The following SPON1 variants were observed in gnomAD, a reference collection of about 807,000 sequenced individuals.
The protein encoded by SPON1 is spondin 1.
A neutral mutation model predicts 111.7 loss-of-function variants in SPON1; 52 were observed. The ratio of observed to expected loss-of-function variants is 0.47; its 90% CI spans 0.37 to 0.59. The LOEUF (loss-of-function observed/expected upper bound fraction) is 0.59, where lower values mean the gene tolerates loss of function less well. Ranked by LOEUF, SPON1 falls within the 20% of genes least tolerant of loss-of-function variation. The pLI is 0.00. For missense variants in SPON1, 957 were observed against 1,068.5 expected, an observed-to-expected ratio of 0.90 and a Z score of 1.46; for synonymous variants, 410 against 395.8, an observed-to-expected ratio of 1.04 and a Z score of -0.43.
intron 2 of SPON1, among the ~76,000 whole-genome samples, chr11:13,990,995 GC>G (rs1429200559): frequency 2.6e-5 from 4 of 152,132 alleles, no homozygotes; most frequent in Admixed American, 2.6e-4. Context: ...CTCTCTGGCT[GC>G]CCTTAACATT....
intron 7 of SPON1, among the ~76,000 whole-genome samples, chr11:14,252,003 GACAGCA>G (rs1554940702): frequency 1.3e-5 from 2 of 152,220 alleles, no homozygotes; most frequent in African/African-American, 4.8e-5. Flanking sequence ...ATTTGATCCT[GACAGCA>G]ACACTGCAGG....
intron 5 of SPON1, among the ~76,000 whole-genome samples, chr11:14,109,482 T>C (rs1849211075): frequency 6.6e-6 from 1 of 152,242 alleles, no homozygotes; most frequent in Non-Finnish European, 1.5e-5. Flanking sequence ...TCACCAGCTT[T>C]GAAACTACGG....
Position 14,259,036 on chromosome 11 carries a change from A to G in SPON1, c.1493-244A>G, listed in dbSNP as rs1591430026. ...ATTTTTTAAACACCATCCTTTCCAT[A>G]CAAGCATCTTTCGAATGTATTTTCA... On this transcript the variant is annotated intron_variant, in intron 11 of 15. Transcript: ENST00000576479. This position sits in a 1 kb window ranked among gnomAD's most constrained non-coding sequence, Gnocchi z 5.0. Among the ~76,000 whole-genome samples, 1 of 152,352 alleles carries G rather than the reference A, an allele frequency of 6.6e-6. No homozygotes were observed. The highest frequency in any genetic ancestry group is 3.4e-3 in the Middle Eastern group (1 of 294).
At chr11:14,090,831 C>G (rs1301806342) in intron 5 of SPON1, among the ~76,000 whole-genome samples, 4 of 12,920 alleles carry the variant, frequency 3.1e-4, no homozygotes, top group East Asian at 4.6e-3. Context: ...CTGGCCCCCC[C>G]CCCCCCCCCC....
chr11:14,008,542 G>A (rs146735031), intron 2 of SPON1, among the ~76,000 whole-genome samples: 2 of 152,138 alleles, frequency 1.3e-5, no homozygotes, highest in South Asian at 2.1e-4. Context: ...TCTCTATGGG[G>A]GGAAAAGAAA....
intron 6 of SPON1, among the ~76,000 whole-genome samples, chr11:14,159,222 G>A (rs1410110179): frequency 2.0e-5 from 3 of 152,130 alleles, no homozygotes; most frequent in East Asian, 3.9e-4. Flanking sequence ...GTTATTAGAT[G>A]TGAAACAGTC....
chr11:13,995,892 A>C (rs868954907), intron 2 of SPON1, among the ~76,000 whole-genome samples: 4 of 152,322 alleles, frequency 2.6e-5, no homozygotes, highest in Middle Eastern at 6.8e-3. Context: ...CTAGATGCTA[A>C]AATTGCTGCA....
intron 6 of SPON1, among the ~76,000 whole-genome samples, chr11:14,203,942 A>AAG (rs1554935921): frequency 1.2e-4 from 19 of 152,240 alleles, no homozygotes; most frequent in African/African-American, 4.3e-4. Context: ...TCCAACAGGG[A>AAG]GAGCAGGGAA....
intron 5 of SPON1, among the ~76,000 whole-genome samples, chr11:14,125,017 T>C (rs1847438473): frequency 1.3e-5 from 2 of 152,328 alleles, no homozygotes; most frequent in South Asian, 2.1e-4. Flanking sequence ...GACTTCCCCA[T>C]GCATGGCTTT....
intron 14 of SPON1, among the ~76,000 whole-genome samples, chr11:14,261,173 A>G (rs1315867239): frequency 2.0e-5 from 3 of 152,138 alleles, no homozygotes; most frequent in Non-Finnish European, 4.4e-5. Context: ...ACTCCTGCAG[A>G]CTGGTAAGAA....
At chr11:14,167,182 G>A (rs1339598492) in intron 6 of SPON1, among the ~76,000 whole-genome samples, 1 of 152,058 alleles carries the variant, frequency 6.6e-6, no homozygotes, top group African/African-American at 2.4e-5. Flanking sequence ...GATGCTTCCT[G>A]TATAATTTTT....
intron 2 of SPON1, among the ~76,000 whole-genome samples, chr11:14,037,517 T>C (rs1848603155): frequency 1.2e-5 from 1 of 84,170 alleles, no homozygotes; most frequent in African/African-American, 4.9e-5. Context: ...AACAACTGCA[T>C]ATCCACATGT....
chr11:14,235,869 C>A (rs1848859835), intron 6 of SPON1, among the ~76,000 whole-genome samples: 1 of 152,076 alleles, frequency 6.6e-6, no homozygotes, highest in African/African-American at 2.4e-5. Context: ...CTGGAGGAAA[C>A]AAAGGAGAGA....
intron 2 of SPON1, among the ~76,000 whole-genome samples, chr11:13,990,391 T>G (rs1425698644): frequency 1.2e-4 from 14 of 112,082 alleles, no homozygotes; most frequent in African/African-American, 4.4e-4. Context: ...TTTTTTTTTT[T>G]TTTTTTTTTT....
intron 7 of SPON1, among the ~76,000 whole-genome samples, chr11:14,245,067 G>C (rs970551819): frequency 9.9e-5 from 15 of 152,280 alleles, no homozygotes; most frequent in African/African-American, 3.4e-4. Flanking sequence ...ATTAACACCC[G>C]TATTGAAGAC....
chr11:14,076,513 G>A (rs1395887848), intron 4 of SPON1, among the ~76,000 whole-genome samples: 3 of 152,108 alleles, frequency 2.0e-5, no homozygotes, highest in African/African-American at 7.2e-5. Flanking sequence ...ATATGGTAAA[G>A]ATTATTATTA....
At chr11:14,163,471 G>A (rs1040020529) in intron 6 of SPON1, among the ~76,000 whole-genome samples, 3 of 152,042 alleles carry the variant, frequency 2.0e-5, no homozygotes, top group Admixed American at 1.3e-4. Context: ...TATTTCTCCA[G>A]TCAGCCTCCC....
At chr11:14,079,070 T>G (rs1459239418) in intron 4 of SPON1, among the ~76,000 whole-genome samples, 1 of 152,214 alleles carries the variant, frequency 6.6e-6, no homozygotes, top group African/African-American at 2.4e-5. Context: ...CTGAAGCAAG[T>G]TACATCTGTA....
At chr11:14,260,365 C>CGG (rs200961190) in intron 13 of SPON1, among the ~76,000 whole-genome samples, 4 of 151,416 alleles carry the variant, frequency 2.6e-5, no homozygotes, top group East Asian at 1.9e-4. Flanking sequence ...TCATAACCAT[C>CGG]GGGGGGGGTC....
Sources: allele counts gnomAD v4.1 joint callset (sites outside exome capture counted in the v4.1 genomes callset), GRCh38; gene constraint gnomAD v4.1.1; non-coding constraint Gnocchi (gnomAD v3.1); transcripts MANE v1.5; gene names NCBI Gene and HGNC (gene_info 2026-07-23, HGNC 2026-07-21).